Variants in MET observed in about 807,000 individuals in gnomAD.
The protein encoded by MET is hepatocyte growth factor receptor.
A neutral mutation model predicts 133.1 loss-of-function variants in MET; 48 were observed. The observed-to-expected ratio is 0.36, with a 90% confidence interval of 0.29 to 0.46. MET has a LOEUF of 0.46. Ranked by LOEUF, MET falls within the 20% of genes least tolerant of loss-of-function variation. The probability of loss-of-function intolerance (pLI) is 1.00; values close to 1 mark genes in which losing one functional copy is unlikely to be tolerated. For synonymous variants in MET, 628 were observed against 616.5 expected (o/e 1.02, Z -0.28); for missense variants, 1,442 against 1,695.9 (o/e 0.85, Z 2.63).
At chr7:116,745,687 C>G (rs1793645131) in intron 5 of MET, among the ~76,000 whole-genome samples, 1 of 152,192 alleles carries the variant, frequency 6.6e-6, no homozygotes, top group Non-Finnish European at 1.5e-5. Flanking sequence ...GGAAAGGATT[C>G]TCTATTTAAC....
intron 2 of MET, among the ~76,000 whole-genome samples, chr7:116,708,093 C>T (rs1791866099): frequency 6.6e-6 from 1 of 152,076 alleles, no homozygotes. Flanking sequence ...TACCTGTCTT[C>T]AACAAGCAGA....
In MET at chr7:116,672,332, G is replaced by C. The variant is rs1308626323; in HGVS notation, c.-260G>C. The C allele has an allele frequency of 3.4e-6, 1 of 296,984 alleles. No individual in the cohort carries two copies. The highest frequency in any genetic ancestry group is 6.2e-6 in the Non-Finnish European group (1 of 161,468). 18.4% of individuals were successfully genotyped at this position (296,984 alleles called of 1,614,324 possible). On this transcript the variant is annotated 5_prime_UTR_variant, in exon 1 of 21. Transcript: ENST00000397752. ...TCACTGGCAGGGCAGCGCGCGTGTGGGAAGGGGCGGAGGGAGTGCGGCCGG... is the reference window on the plus strand; with the variant it reads ...TCACTGGCAGGGCAGCGCGCGTGTGCGAAGGGGCGGAGGGAGTGCGGCCGG...
Position 116,796,495 on chromosome 7 carries a change from C to T in MET, c.*371C>T. ...AGAAAACTCAGAAGAGATAGTAATG[C>T]TCAGGACAGGAGCGGCAGCCCCAGA... On this transcript the variant is annotated 3_prime_UTR_variant, in exon 21 of 21. Transcript: ENST00000397752. 4.8e-6 allele frequency: 2 copies of T among 414,466 alleles called. No homozygotes were observed. Among genetic ancestry groups the T allele is most frequent in the South Asian group, 5.3e-5 (2 of 37,450 alleles). The allele number at this position is 414,466 out of a possible 1,614,324, so 25.7% of individuals were successfully genotyped here. A position where few individuals can be genotyped will look rare whatever the true frequency, so the allele number is the denominator to read the frequency against.
intron 17 of MET, among the ~76,000 whole-genome samples, chr7:116,781,214 T>G (rs1584963516): frequency 6.6e-6 from 1 of 152,148 alleles, no homozygotes; most frequent in Admixed American, 6.5e-5. Context: ...GAAACTGCAA[T>G]GAAGGCTCTT....
intron 2 of MET, among the ~76,000 whole-genome samples, chr7:116,710,865 C>A (rs1247271392): frequency 6.6e-6 from 1 of 152,068 alleles, no homozygotes; most frequent in African/African-American, 2.4e-5. Context: ...AAGTAAACAC[C>A]TAAATTTTCA....
chr7:116,698,962 AAGT>A (rs1268792821), intron 1 of MET, 106 bp from the exon 2 acceptor site: 7 of 1,495,306 alleles, frequency 4.7e-6, no homozygotes, highest in Non-Finnish European at 6.4e-6. Context: ...TTCTATGTAA[AAGT>A]CCAGTTGGGA....
In MET at chr7:116,757,656, A is replaced by G. The variant is rs765244598; in HGVS notation, c.1984A>G (p.Ile662Val). The change falls in exon 8 of 21, where the codon ATT becomes GTT. Residue 662 changes from isoleucine to valine, a missense_variant. Physicochemically the swap from Ile to Val is conservative, Grantham distance 29. Transcript: ENST00000397752. ...CCTCCAGGATCCTGTAATAACAAGT[A>G]TTTCGCCGAAATACGGTCCTATGGC... ...FSYVDPVITS[I>V]SPKYGPMAGG... 1.5e-5 allele frequency: 24 copies of G among 1,613,874 alleles called. No homozygotes were observed. The highest frequency in any genetic ancestry group is 1.6e-4 in the Middle Eastern group (1 of 6,080).
intron 1 of MET, among the ~76,000 whole-genome samples, chr7:116,679,276 C>G (rs1038549138): frequency 6.6e-6 from 1 of 152,118 alleles, no homozygotes; most frequent in Non-Finnish European, 1.5e-5. Flanking sequence ...ATATTGATAT[C>G]CATCTGTCAT....
At chr7:116,755,751 G>A (rs1794153917) in intron 6 of MET, among the ~76,000 whole-genome samples, 1 of 152,162 alleles carries the variant, frequency 6.6e-6, no homozygotes, top group Admixed American at 6.5e-5. Context: ...AGAAATGGGA[G>A]TTTCTCAACC....
In MET at chr7:116,700,146, C is replaced by T. The variant is rs755166920; in HGVS notation, c.1062C>T (p.Ala354=). 1.9e-5 allele frequency: 31 copies of T among 1,596,826 alleles called. No individual in the cohort carries two copies. The highest frequency in any genetic ancestry group is 1.1e-4 in the African/African-American group (8 of 74,134). ...TCGCACAAAGCAAGCCAGATTCTGC[C>T]GAACCAATGGATCGATCTGCCATGT... ...GVFAQSKPDS[A]EPMDRSAMCA... is the part of the protein sequence containing the mutation. The change falls in exon 2 of 21, where the codon GCC becomes GCT. Residue 354 remains alanine (A), a synonymous_variant. Coordinates refer to ENST00000397752, the MANE Select transcript of MET (RefSeq NM_000245.4).
intron 4 of MET, 74 bp downstream of exon 4, chr7:116,740,158 G>A (rs1793390211): frequency 3.2e-6 from 5 of 1,554,958 alleles, no homozygotes; most frequent in Middle Eastern, 1.7e-4. Context: ...GTGTCACTTG[G>A]CCCTTTATAA....
intron 11 of MET, among the ~76,000 whole-genome samples, chr7:116,769,421 T>C (rs1305691952): frequency 6.6e-6 from 1 of 152,184 alleles, no homozygotes; most frequent in Non-Finnish European, 1.5e-5. Context: ...AGGTCCAATT[T>C]GATGCAAAAG....
chr7:116,755,707 A>C (rs1356938801), intron 6 of MET, among the ~76,000 whole-genome samples, 192 bp downstream of exon 6: 1 of 152,160 alleles, frequency 6.6e-6, no homozygotes, highest in East Asian at 1.9e-4. Flanking sequence ...GAAGAGAGAG[A>C]AAGGTGACAT....
Position 116,700,032 on chromosome 7 carries a change from A to T in MET, c.948A>T (p.Ile316=), listed in dbSNP as rs35225896. 1 of 1,614,038 alleles carries T rather than the reference A, an allele frequency of 6.2e-7. No individual in the cohort carries two copies. Among genetic ancestry groups the T allele is most frequent in the African/African-American group, 1.3e-5 (1 of 75,032 alleles). ...CCACAAAGAAGGAAGTGTTTAATAT[A>T]CTTCAGGCTGCGTATGTCAGCAAGC... is the stretch of plus-strand genomic sequence containing the variant. The part of the protein sequence containing the change: ...KRSTKKEVFN[I]LQAAYVSKPG... The change falls in exon 2 of 21, where the codon ATA becomes ATT. Residue 316 remains isoleucine, a synonymous_variant. Transcript: ENST00000397752.
intron 10 of MET, among the ~76,000 whole-genome samples, chr7:116,759,840 G>A (rs1012754969): frequency 6.6e-6 from 1 of 152,078 alleles, no homozygotes; most frequent in African/African-American, 2.4e-5. Flanking sequence ...GCAAGGGCAC[G>A]ATCTCAGCTC....
chr7:116,723,146 C>T (rs1792569365), intron 2 of MET, among the ~76,000 whole-genome samples: 1 of 138,780 alleles, frequency 7.2e-6, no homozygotes, highest in Non-Finnish European at 1.6e-5. Context: ...GGTCTTTTCA[C>T]ATAGTCCCAT....
At chr7:116,696,039 A>AT (rs1796954738) in intron 1 of MET, among the ~76,000 whole-genome samples, 1 of 151,848 alleles carries the variant, frequency 6.6e-6, no homozygotes, top group Non-Finnish European at 1.5e-5. Flanking sequence ...CACCCAGCTA[A>AT]TTTTTTTGTA....
chr7:116,767,587 A>G (rs1341746030), intron 11 of MET, among the ~76,000 whole-genome samples: 1 of 152,156 alleles, frequency 6.6e-6, no homozygotes, highest in Non-Finnish European at 1.5e-5. Context: ...TTGCAGGATA[A>G]TATGAGATGA....
intron 5 of MET, 42 bp downstream of exon 5, chr7:116,741,067 G>GTTTTTTTTTTTTTTTTTTTTTTGTT: frequency 7.4e-7 from 1 of 1,348,786 alleles, no homozygotes; most frequent in Non-Finnish European, 1.0e-6. Context: ...TTTGTTTGGT[G>GTTTTTTTTTTTTTTTTTTTTTTGTT]TTTTTTTTTT....
Sources: gnomAD v4.1 joint callset for allele counts (sites outside exome capture counted in the v4.1 genomes callset) on GRCh38, gnomAD v4.1.1 for gene constraint, MANE v1.5 for transcripts, NCBI Gene and HGNC (gene_info 2026-07-23, HGNC 2026-07-21) for gene names.